TTBK2: variants seen among roughly 807,000 people sequenced by gnomAD.
The protein encoded by TTBK2 is tau tubulin kinase 2.
Under a neutral mutation model 110.8 loss-of-function variants are expected in TTBK2, and 28 were observed. The observed-to-expected ratio is 0.25, with a 90% CI of 0.19 to 0.35. TTBK2 has a LOEUF of 0.35. TTBK2 is among the 10% of genes least tolerant of loss of function. TTBK2 has a pLI of 1.00. For missense variants in TTBK2, 1,369 were observed against 1,500.3 expected, an observed-to-expected ratio of 0.91 and a Z score of 1.45; for synonymous variants, 532 against 527.3, an observed-to-expected ratio of 1.01 and a Z score of -0.12.
intron 2 of TTBK2, among the ~76,000 whole-genome samples, chr15:42,878,025 A>T (rs1894880361): frequency 1.3e-5 from 2 of 151,818 alleles, no homozygotes; most frequent in African/African-American, 2.4e-5. Flanking sequence ...TAATAAAAAA[A>T]AAAAAAGAGA....
chr15:42,751,362 GAA>G lies in TTBK2; in HGVS notation c.3272+610_3272+611del, dbSNP rs556217463. On this transcript the variant is annotated intron_variant, in intron 14 of 14. Transcript: ENST00000267890. ...AAGTTAAGCTGATATAAATCCAAAT[GAA>G]AGTGTTATAACTTTAGAATATTAAG... is the stretch of plus-strand genomic sequence containing the variant. Among the ~76,000 whole-genome samples, 4 of 152,314 alleles carry G rather than the reference GAA, an allele frequency of 2.6e-5. No homozygotes were observed. In the South Asian group the frequency reaches 8.3e-4, roughly 32 times the overall value.
At chr15:42,869,794 T>C (rs1288574069) in intron 3 of TTBK2, among the ~76,000 whole-genome samples, 1 of 152,178 alleles carries the variant, frequency 6.6e-6, no homozygotes, top group Non-Finnish European at 1.5e-5. Context: ...TAATAAGGTA[T>C]AGAAGTACTA....
intron 12 of TTBK2, among the ~76,000 whole-genome samples, chr15:42,776,415 T>C (rs1056412086): frequency 6.6e-5 from 10 of 152,254 alleles, no homozygotes; most frequent in African/African-American, 2.4e-4. Context: ...CAAAATTTGT[T>C]GTAGGGATAA....
At chr15:42,913,498 C>T (rs1032860805) in intron 1 of TTBK2, among the ~76,000 whole-genome samples, 8 of 151,756 alleles carry the variant, frequency 5.3e-5, no homozygotes, top group Non-Finnish European at 8.8e-5. Context: ...ATTAGCCAGG[C>T]GTGGTGGTGG....
intron 3 of TTBK2, among the ~76,000 whole-genome samples, chr15:42,871,841 C>T (rs1002528559): frequency 6.6e-6 from 1 of 152,162 alleles, no homozygotes; most frequent in Admixed American, 6.5e-5. Flanking sequence ...TTACTGGCAT[C>T]ATTCTCTAAT....
At position 42,766,988 on chromosome 15, in the gene TTBK2, ACTG is replaced by A. The variant is rs1889410982; in HGVS notation, c.1998+8144_1998+8146del. On this transcript the variant is annotated intron_variant, in intron 13 of 14. Coordinates refer to ENST00000267890, the MANE Select transcript of TTBK2 (RefSeq NM_173500.4). ...CTCAGGATTAAGAAACTCACTCAAA[ACTG>A]CACAACTACATGGAAACTGAACAAC... 2.0e-5 allele frequency among the ~76,000 whole-genome samples: 3 copies of A among 152,318 alleles called. No individual in the cohort carries two copies. In the South Asian group the frequency reaches 6.2e-4, roughly 32 times the overall value.
intron 12 of TTBK2, among the ~76,000 whole-genome samples, chr15:42,776,070 C>T (rs1889907581): frequency 6.6e-6 from 1 of 152,150 alleles, no homozygotes; most frequent in African/African-American, 2.4e-5. Flanking sequence ...TCCTTTCGAT[C>T]GTGTGAGCGT....
At chr15:42,881,215 G>A (rs1305384586) in intron 1 of TTBK2, among the ~76,000 whole-genome samples, 6 of 148,708 alleles carry the variant, frequency 4.0e-5, no homozygotes, top group African/African-American at 5.0e-5. Flanking sequence ...CCCGGGAGGC[G>A]GAGCTTGCAG....
At chr15:42,802,754 T>C (rs1472677778) in intron 9 of TTBK2, among the ~76,000 whole-genome samples, 1 of 152,162 alleles carries the variant, frequency 6.6e-6, no homozygotes, top group African/African-American at 2.4e-5. Flanking sequence ...TCAAATTGAC[T>C]GGATTGAAGG....
chr15:42,830,612 C>T (rs563605913), intron 4 of TTBK2, among the ~76,000 whole-genome samples: 3 of 151,932 alleles, frequency 2.0e-5, no homozygotes, highest in South Asian at 4.2e-4. Context: ...TTCATGTTTC[C>T]CTTTATCTCT....
chr15:42,887,851 G>A (rs1207029463), intron 1 of TTBK2, among the ~76,000 whole-genome samples: 1 of 152,112 alleles, frequency 6.6e-6, no homozygotes, highest in Non-Finnish European at 1.5e-5. Flanking sequence ...AAGCTTCACA[G>A]ACAGCCTCCA....
At chr15:42,779,717 C>A (rs892429900) in intron 11 of TTBK2, among the ~76,000 whole-genome samples, 1 of 152,122 alleles carries the variant, frequency 6.6e-6, no homozygotes, top group Non-Finnish European at 1.5e-5. Flanking sequence ...CGGTGGCTCA[C>A]ACCTGTAATC....
At chr15:42,792,583 A>T (rs926512291) in intron 10 of TTBK2, among the ~76,000 whole-genome samples, 14 of 151,864 alleles carry the variant, frequency 9.2e-5, no homozygotes, top group African/African-American at 3.4e-4. Flanking sequence ...TTATTTATTT[A>T]TTTTTTGGGA....
At chr15:42,912,062 G>A (rs530713585) in intron 1 of TTBK2, among the ~76,000 whole-genome samples, 2 of 152,262 alleles carry the variant, frequency 1.3e-5, no homozygotes, top group South Asian at 2.1e-4. Context: ...CCTGGGCCAC[G>A]TGCGGCCCAT....
chr15:42,839,132 T>C lies in TTBK2; in HGVS notation c.291+1228A>G, dbSNP rs192236592. The stretch of plus-strand genomic sequence containing the variant: ...CCTCAAAGTAGGCCCTGGTGTCTAT[T>C]GTCCCCCTCTTTGTATCCATGTGTA... On this transcript the variant is annotated intron_variant, in intron 4 of 14. Coordinates refer to ENST00000267890, the MANE Select transcript of TTBK2 (RefSeq NM_173500.4). 7.2e-5 allele frequency among the ~76,000 whole-genome samples: 11 copies of C among 152,290 alleles called. No individual in the cohort carries two copies. In the East Asian group the frequency reaches 2.1e-3, roughly 29 times the overall value.
Position 42,752,492 on chromosome 15 carries a change from A to G in TTBK2, c.2754T>C (p.His918=), listed in dbSNP as rs1215049848. 1.9e-6 allele frequency: 3 copies of G among 1,614,180 alleles called. No homozygotes were observed. The Admixed American group carries it at 5.0e-5, about 27-fold the overall frequency. ...KITPRNGELF[H]CVSENEHGAP... is the part of the protein sequence containing the mutation. Reference sequence around the variant, plus strand: ...CACCATGTTCATTCTCTGAAACACAATGAAATAGTTCTCCATTTCTAGGGG... The same window carrying G: ...CACCATGTTCATTCTCTGAAACACAGTGAAATAGTTCTCCATTTCTAGGGG... Residue 918 remains histidine, a synonymous_variant, in exon 14 of 15, where the codon CAT becomes CAC. Coordinates refer to ENST00000267890, the MANE Select transcript of TTBK2 (RefSeq NM_173500.4).
chr15:42,784,277 C>CA (rs1449474240), intron 10 of TTBK2, among the ~76,000 whole-genome samples: 6 of 151,884 alleles, frequency 4.0e-5, no homozygotes, highest in African/African-American at 1.5e-4. Context: ...ATTATAACAA[C>CA]ATTTTTTTTC....
At chr15:42,885,982 T>C (rs1895228277) in intron 1 of TTBK2, among the ~76,000 whole-genome samples, 1 of 152,154 alleles carries the variant, frequency 6.6e-6, no homozygotes, top group Admixed American at 6.5e-5. Context: ...ATCTAGATAA[T>C]GTTTGTCAAA....
In TTBK2 at chr15:42,871,852, C is replaced by T. The variant is rs528745068; in HGVS notation, c.217+759G>A. Among the ~76,000 whole-genome samples, 68 of 152,244 alleles carry T rather than the reference C, an allele frequency of 4.5e-4. 1 individual carries two copies. Among genetic ancestry groups the T allele is most frequent in the African/African-American group, 1.5e-3 (61 of 41,548 alleles). ...AATTTTACTGGCATCATTCTCTAAT[C>T]AAATGAGCCAACTGGTAGAGAAACT... On this transcript the variant is annotated intron_variant, in intron 3 of 14. Transcript: ENST00000267890.
Sources: allele counts gnomAD v4.1 joint callset (sites outside exome capture counted in the v4.1 genomes callset), GRCh38; gene constraint gnomAD v4.1.1; transcripts MANE v1.5; gene names NCBI Gene and HGNC (gene_info 2026-07-23, HGNC 2026-07-21).